FBXO9: variants seen among roughly 807,000 people sequenced by gnomAD.
FBXO9 encodes F-box protein 9, also known as F-box only protein 9.
In FBXO9, 43 loss-of-function variants were observed where a neutral mutation model predicts 63.7. That is an observed-to-expected ratio of 0.67 (90% CI 0.53 to 0.87). The LOEUF is 0.87. FBXO9 is among the 40% of genes least tolerant of loss of function. FBXO9 has a pLI of 0.00. For synonymous variants in FBXO9, 156 were observed against 171.7 expected (o/e 0.91, Z 0.72); for missense variants, 442 against 533.2 (o/e 0.83, Z 1.68).
intron 7 of FBXO9, among the ~76,000 whole-genome samples, chr6:53,085,733 G>C (rs576508264): frequency 4.0e-5 from 6 of 151,640 alleles, no homozygotes; most frequent in African/African-American, 1.5e-4. Flanking sequence ...GTAACTGAAA[G>C]AGGATCTAAT....
chr6:53,066,474 T>C lies in FBXO9; in HGVS notation c.3+682T>C, dbSNP rs536539469. ...ATACGTAGTCTCTGCCCTATGCCTT[T>C]CTTTGGTTTAGAATAAATTGTTCAT... On this transcript the variant is annotated intron_variant, in intron 1 of 12. Transcript: ENST00000323557. Among the ~76,000 whole-genome samples the C allele has an allele frequency of 3.3e-5, 5 of 152,360 alleles. No homozygotes were observed. The South Asian group carries it at 1.0e-3, about 32-fold the overall frequency.
chr6:53,078,340 C>A (rs990208256), intron 4 of FBXO9, among the ~76,000 whole-genome samples: 1 of 152,030 alleles, frequency 6.6e-6, no homozygotes, highest in African/African-American at 2.4e-5. Context: ...TGCCTGTAGC[C>A]CCAGCTACTC....
intron 7 of FBXO9, among the ~76,000 whole-genome samples, chr6:53,088,938 T>C (rs1282721491): frequency 4.6e-5 from 7 of 151,374 alleles, no homozygotes; most frequent in African/African-American, 1.7e-4. Flanking sequence ...TTTTTTTTTT[T>C]TGAGACAGAG....
chr6:53,080,022 G>A (rs752876184), intron 5 of FBXO9, among the ~76,000 whole-genome samples: 4 of 150,152 alleles, frequency 2.7e-5, no homozygotes, highest in African/African-American at 9.7e-5. Flanking sequence ...TTTAGACTCA[G>A]CTCTTAGCCA....
intron 7 of FBXO9, among the ~76,000 whole-genome samples, chr6:53,084,098 G>A (rs1189013160): frequency 1.3e-5 from 2 of 152,192 alleles, no homozygotes; most frequent in Non-Finnish European, 2.9e-5. Flanking sequence ...GTTATTGTTA[G>A]GTGTGGTACT....
rs1274375943 is a variant in FBXO9 at position 53,098,303 on chromosome 6, G to C, written c.*473G>C. 1.1e-5 allele frequency: 2 copies of C among 182,868 alleles called. No homozygotes were observed. Among genetic ancestry groups the C allele is most frequent in the South Asian group, 1.7e-4 (2 of 12,076 alleles). 11.3% of individuals were successfully genotyped at this position (182,868 alleles called of 1,614,324 possible). A position where few individuals can be genotyped will look rare whatever the true frequency, so the allele number is the denominator to read the frequency against. On this transcript the variant is annotated 3_prime_UTR_variant, in exon 13 of 13. Coordinates refer to ENST00000323557, the MANE Select transcript of FBXO9 (RefSeq NM_033480.3). The stretch of plus-strand genomic sequence containing the variant: ...TTTGCACTAAAGGCTCAAAGTGTGA[G>C]AACCTGTTCTGGATTTGTTTGAAAT...
intron 6 of FBXO9, among the ~76,000 whole-genome samples, chr6:53,081,732 C>T (rs1369653493): frequency 6.6e-6 from 1 of 152,152 alleles, no homozygotes; most frequent in Non-Finnish European, 1.5e-5. Context: ...GCATTTCAGC[C>T]ATGTTGGACA....
In FBXO9 at chr6:53,092,797, G is replaced by A. The variant is rs1398270161; in HGVS notation, c.836G>A (p.Arg279Lys). Residue 279 changes from arginine (R) to lysine (K), a missense_variant, in exon 9 of 13, where the codon AGA (arginine) becomes AAA (lysine). By Grantham distance (26) the Arg-to-Lys change is conservative. Around this residue, in one of 2 missense-constraint regions of FBXO9, gnomAD observed 262 missense variants for 362.1 expected, o/e 0.72. Transcript: ENST00000323557. ...QGEQSLDGFY[R>K]AWHQVEYYRY... is the part of the protein sequence containing the mutation. Reference sequence around the variant, plus strand: ...GAACAGTCTCTTGATGGTTTCTATAGAGCCTGGCACCAAGTGGAATATTAC... The same window carrying A: ...GAACAGTCTCTTGATGGTTTCTATAAAGCCTGGCACCAAGTGGAATATTAC... 1.2e-6 allele frequency: 2 copies of A among 1,611,976 alleles called. No homozygotes were observed. Among genetic ancestry groups the A allele is most frequent in the Non-Finnish European group, 1.7e-6 (2 of 1,178,628 alleles).
chr6:53,065,810 C>G lies in FBXO9; in HGVS notation c.3+18C>G. On this transcript the variant is annotated intron_variant, in intron 1 of 12. Transcript: ENST00000323557. ...CCAGCATGGTAACCTGGCCAGGGGG[C>G]TCGAGGGTGGACGCCGCGGGGCGGG... The G allele has an allele frequency of 1.5e-6, 2 of 1,346,742 alleles. No individual in the cohort carries two copies. Among genetic ancestry groups the G allele is most frequent in the Non-Finnish European group, 1.9e-6 (2 of 1,048,098 alleles). 83.4% of individuals were successfully genotyped at this position (1,346,742 alleles called of 1,614,324 possible). A position where few individuals can be genotyped will look rare whatever the true frequency, so the allele number is the denominator to read the frequency against.
In FBXO9 at chr6:53,065,756, G is replaced by A; in HGVS notation, c.-34G>A. 7.1e-7 allele frequency: 1 copy of A among 1,408,762 alleles called. No individual in the cohort carries two copies. The highest frequency in any genetic ancestry group is 1.5e-5 in the South Asian group (1 of 68,492). The allele number at this position is 1,408,762 out of a possible 1,614,324, so 87.3% of individuals were successfully genotyped here. On this transcript the variant is annotated 5_prime_UTR_variant, in exon 1 of 13. Transcript: ENST00000323557. ...GGGGGCGGTGCAGAGGGGGCACGGAGAGCCCCTCGAGCGCAGCAGGCCGCC... is the reference window on the plus strand; with the variant it reads ...GGGGGCGGTGCAGAGGGGGCACGGAAAGCCCCTCGAGCGCAGCAGGCCGCC...
chr6:53,078,941 A>G, intron 5 of FBXO9, 43 bp downstream of exon 5: 1 of 1,438,674 alleles, frequency 7.0e-7, no homozygotes, highest in African/African-American at 1.4e-5. Context: ...AGAGTTTGTT[A>G]AAGTTAAGCA....
At position 53,098,313 on chromosome 6, in the gene FBXO9, T is replaced by C. The variant is rs549236241; in HGVS notation, c.*483T>C. On this transcript the variant is annotated 3_prime_UTR_variant, in exon 13 of 13. Transcript: ENST00000323557. ...AGGCTCAAAGTGTGAGAACCTGTTC[T>C]GGATTTGTTTGAAATTATTTCACCA... 1 of 170,686 alleles carries C rather than the reference T, an allele frequency of 5.9e-6. No homozygotes were observed. The highest frequency in any genetic ancestry group is 2.4e-5 in the African/African-American group (1 of 41,716). 10.6% of individuals were successfully genotyped at this position (170,686 alleles called of 1,614,324 possible).
At chr6:53,071,708 G>A (rs555265636) in intron 2 of FBXO9, among the ~76,000 whole-genome samples, 1 of 152,342 alleles carries the variant, frequency 6.6e-6, no homozygotes, top group East Asian at 1.9e-4. Context: ...GAACACTCAT[G>A]CAGTGTACAT....
chr6:53,068,805 AC>A (rs1218998378), intron 1 of FBXO9, among the ~76,000 whole-genome samples: 1 of 151,420 alleles, frequency 6.6e-6, no homozygotes, highest in African/African-American at 2.4e-5. Context: ...GTGTACCACC[AC>A]CCCCTGGTAA....
At chr6:53,089,687 T>G (rs1220363663) in intron 7 of FBXO9, among the ~76,000 whole-genome samples, 1 of 152,204 alleles carries the variant, frequency 6.6e-6, no homozygotes, top group African/African-American at 2.4e-5. Context: ...GACAAAAAGT[T>G]TATCATCTCA....
chr6:53,067,462 A>G (rs1399544953), intron 1 of FBXO9, among the ~76,000 whole-genome samples: 1 of 152,224 alleles, frequency 6.6e-6, no homozygotes, highest in African/African-American at 2.4e-5. Flanking sequence ...TCTGACTAAG[A>G]TGAACCCTGA....
At position 53,099,737 on chromosome 6, in the gene FBXO9, G is replaced by A. The variant is rs915011022; in HGVS notation, c.*1907G>A. The A allele has an allele frequency of 6.6e-5, 10 of 152,128 alleles. No homozygotes were observed. The highest frequency in any genetic ancestry group is 2.2e-4 in the African/African-American group (9 of 41,410). 9.4% of individuals were successfully genotyped at this position (152,128 alleles called of 1,614,324 possible). ...AGCCTGGGTGAGAAAGCGAGACCCT[G>A]TCTCAAAAAAGAAAAAAAAGAGAGG... On this transcript the variant is annotated 3_prime_UTR_variant, in exon 13 of 13. Transcript: ENST00000323557.
intron 11 of FBXO9, among the ~76,000 whole-genome samples, chr6:53,095,232 A>G (rs931158813): frequency 3.3e-5 from 5 of 152,292 alleles, no homozygotes; most frequent in Non-Finnish European, 4.4e-5. Flanking sequence ...ACCTCCCTGG[A>G]TCTTCATTTT....
intron 1 of FBXO9, among the ~76,000 whole-genome samples, chr6:53,069,372 G>A (rs1394684150): frequency 6.6e-6 from 1 of 152,042 alleles, no homozygotes; most frequent in African/African-American, 2.4e-5. Flanking sequence ...TTTCTGTTTT[G>A]GGACTTGTAG....
Sources: gnomAD v4.1 joint callset for allele counts (sites outside exome capture counted in the v4.1 genomes callset) on GRCh38, gnomAD v4.1.1 for gene constraint, gnomAD v4.1.1 regional missense constraint, MANE v1.5 for transcripts, NCBI Gene and HGNC (gene_info 2026-07-23, HGNC 2026-07-21) for gene names.